The following LMBRD1 variants were observed in gnomAD, a reference collection of about 807,000 sequenced individuals.
The protein encoded by LMBRD1 is LMBR1 domain containing 1, also known as lysosomal cobalamin transport escort protein LMBD1.
A neutral mutation model predicts 74.8 loss-of-function variants in LMBRD1; 64 were observed. The observed-to-expected ratio is 0.86, with a 90% CI of 0.70 to 1.05. The LOEUF (loss-of-function observed/expected upper bound fraction) is 1.05, where lower values mean the gene tolerates loss of function less well. Among genes scored for constraint, LMBRD1 ranks in the 50% least tolerant of loss-of-function variants. The pLI, the probability that LMBRD1 is intolerant of heterozygous loss-of-function variation, is 0.00. For synonymous variants in LMBRD1, 204 were observed against 216.3 expected (o/e 0.94, Z 0.50); for missense variants, 652 against 645.9 (o/e 1.01, Z -0.10).
chr6:69,697,627 A>G lies in LMBRD1; in HGVS notation c.1353T>C (p.Ser451=), dbSNP rs745552519. 6.9e-6 allele frequency: 11 copies of G among 1,586,422 alleles called. No homozygotes were observed. The highest frequency in any genetic ancestry group is 9.5e-6 in the Non-Finnish European group (11 of 1,155,918). Reference sequence around the variant, plus strand: ...GGGTTGAATTGCCTTTATGATTATCAGAAGTTATATTAGTCTGAAAGATAA... The same window carrying G: ...GGGTTGAATTGCCTTTATGATTATCGGAAGTTATATTAGTCTGAAAGATAA... ...QNYLIETNIT[S]DNHKGNSTLS... is the part of the protein sequence containing the mutation. The change falls in exon 14 of 16, where the codon TCT becomes TCC. Residue 451 remains serine, a synonymous_variant. Coordinates refer to ENST00000649934, the MANE Select transcript of LMBRD1 (RefSeq NM_018368.4).
chr6:69,676,771 GCCACCAATGC>G (rs1582034661), intron 14 of LMBRD1, among the ~76,000 whole-genome samples: 2 of 151,966 alleles, frequency 1.3e-5, no homozygotes, highest in East Asian at 3.9e-4. Context: ...AAAAATGAAT[GCCACCAATGC>G]AATCCAGATC....
chr6:69,793,073 T>C (rs1433183914), intron 1 of LMBRD1, among the ~76,000 whole-genome samples: 66 of 152,240 alleles, frequency 4.3e-4, no homozygotes, highest in Non-Finnish European at 1.0e-4. Context: ...AAATGAGATA[T>C]AAAGGGTTTA....
intron 14 of LMBRD1, among the ~76,000 whole-genome samples, chr6:69,684,003 T>C (rs868490583): frequency 9.9e-5 from 15 of 152,042 alleles, no homozygotes; most frequent in Non-Finnish European, 1.3e-4. Context: ...CAAATTGGCA[T>C]AAATGTGAAT....
At chr6:69,753,758 G>T (rs1212151578) in intron 3 of LMBRD1, among the ~76,000 whole-genome samples, 1 of 152,110 alleles carries the variant, frequency 6.6e-6, no homozygotes, top group African/African-American at 2.4e-5. Context: ...GGCTAACACG[G>T]TGAAACCCCG....
At chr6:69,796,292 A>C (rs771143265) in intron 1 of LMBRD1, among the ~76,000 whole-genome samples, 7 of 152,180 alleles carry the variant, frequency 4.6e-5, no homozygotes, top group Non-Finnish European at 1.5e-5. Flanking sequence ...CGAGCAACTC[A>C]CGTCATCAAG....
intron 3 of LMBRD1, among the ~76,000 whole-genome samples, chr6:69,754,714 C>T (rs558451187): frequency 6.6e-6 from 1 of 152,242 alleles, no homozygotes; most frequent in South Asian, 2.1e-4. Context: ...CAGACATAAA[C>T]ATTTATCTGC....
chr6:69,752,178 A>G, intron 4 of LMBRD1, 81 bp downstream of exon 4: 5 of 1,419,602 alleles, frequency 3.5e-6, no homozygotes, highest in Non-Finnish European at 4.8e-6. Context: ...TCTAGAAAAA[A>G]TTCAGTCATT....
chr6:69,783,787 C>A (rs1765888152), intron 2 of LMBRD1, among the ~76,000 whole-genome samples: 1 of 152,010 alleles, frequency 6.6e-6, no homozygotes, highest in Admixed American at 6.6e-5. Context: ...TCCAAGACAG[C>A]CCCAGGAGGT....
chr6:69,741,676 A>G, intron 6 of LMBRD1, 113 bp downstream of exon 6: 1 of 633,282 alleles, frequency 1.6e-6, no homozygotes, highest in Non-Finnish European at 2.8e-6. Context: ...GGCATGAGCC[A>G]CCACGCCCAG....
chr6:69,734,752 C>T (rs1233789546), intron 7 of LMBRD1, among the ~76,000 whole-genome samples: 1 of 152,152 alleles, frequency 6.6e-6, no homozygotes, highest in Non-Finnish European at 1.5e-5. Flanking sequence ...CTTCCTATTG[C>T]ATATTTCTGG....
At chr6:69,703,781 T>C (rs1159138709) in intron 9 of LMBRD1, among the ~76,000 whole-genome samples, 2 of 152,072 alleles carry the variant, frequency 1.3e-5, no homozygotes, top group Non-Finnish European at 2.9e-5. Flanking sequence ...ATAAGACATA[T>C]GCAAAAACAA....
At chr6:69,684,472 A>G (rs1248287686) in intron 14 of LMBRD1, among the ~76,000 whole-genome samples, 1 of 152,094 alleles carries the variant, frequency 6.6e-6, no homozygotes, top group Non-Finnish European at 1.5e-5. Context: ...TGAAAGTAGG[A>G]GATAATATAA....
intron 3 of LMBRD1, among the ~76,000 whole-genome samples, chr6:69,758,467 AC>A (rs1765312132): frequency 6.6e-6 from 1 of 151,926 alleles, no homozygotes; most frequent in Admixed American, 6.6e-5. Context: ...CCCCCTTCCT[AC>A]TGCAGCCTAC....
intron 5 of LMBRD1, 23 bp downstream of exon 5, chr6:69,749,318 A>G: frequency 1.6e-6 from 1 of 616,458 alleles, no homozygotes. Context: ...TTCATGGTTT[A>G]AAAAAAAAAA....
chr6:69,758,469 T>C (rs1765312180), intron 3 of LMBRD1, among the ~76,000 whole-genome samples: 1 of 152,156 alleles, frequency 6.6e-6, no homozygotes, highest in Non-Finnish European at 1.5e-5. Flanking sequence ...CCCTTCCTAC[T>C]GCAGCCTACT....
intron 3 of LMBRD1, among the ~76,000 whole-genome samples, chr6:69,773,467 C>T (rs918442992): frequency 6.6e-6 from 1 of 152,146 alleles, no homozygotes; most frequent in Admixed American, 6.5e-5. Flanking sequence ...TACAAATTAT[C>T]AGCACCTAAT....
At chr6:69,708,797 A>C (rs541868007) in intron 9 of LMBRD1, among the ~76,000 whole-genome samples, 1 of 152,346 alleles carries the variant, frequency 6.6e-6, no homozygotes, top group East Asian at 1.9e-4. Flanking sequence ...TTGAGATAGA[A>C]CATAACTTCT....
chr6:69,749,219 T>C (rs1765061973), intron 5 of LMBRD1, 122 bp downstream of exon 5: 1 of 755,520 alleles, frequency 1.3e-6, no homozygotes, highest in South Asian at 1.7e-5. Context: ...ATTTAGAGAG[T>C]GGATTGTTCT....
chr6:69,736,349 C>T (rs1185549083), intron 7 of LMBRD1, among the ~76,000 whole-genome samples: 1 of 152,144 alleles, frequency 6.6e-6, no homozygotes, highest in African/African-American at 2.4e-5. Flanking sequence ...TCCCTAAGCT[C>T]AGGGTTCCTC....
Sources: gnomAD v4.1 joint callset for allele counts (sites outside exome capture counted in the v4.1 genomes callset) on GRCh38, gnomAD v4.1.1 for gene constraint, MANE v1.5 for transcripts, NCBI Gene and HGNC (gene_info 2026-07-23, HGNC 2026-07-21) for gene names.